The following FOXRED2 variants were observed in gnomAD, a reference collection of about 807,000 sequenced individuals.
FOXRED2 encodes FAD-dependent oxidoreductase domain-containing protein 2.
FOXRED2 carries 32 observed loss-of-function variants against 52.5 expected under a neutral mutation model. That is an observed-to-expected ratio of 0.61 (90% CI 0.46 to 0.82). The LOEUF (loss-of-function observed/expected upper bound fraction) is 0.82, where lower values mean the gene tolerates loss of function less well. Among genes scored for constraint, FOXRED2 ranks in the 40% least tolerant of loss-of-function variants. The probability of loss-of-function intolerance (pLI) is 0.00; values close to 1 mark genes in which losing one functional copy is unlikely to be tolerated. For synonymous variants in FOXRED2, 405 were observed against 398.1 expected (o/e 1.02, Z -0.21); for missense variants, 848 against 937.5 (o/e 0.90, Z 1.25).
chr22:36,489,886 G>A lies in FOXRED2; in HGVS notation c.*122C>T. 9.5e-7 allele frequency: 1 copy of A among 1,056,548 alleles called. No individual in the cohort carries two copies. The highest frequency in any genetic ancestry group is 1.3e-6 in the Non-Finnish European group (1 of 754,408). 65.4% of individuals were successfully genotyped at this position (1,056,548 alleles called of 1,614,324 possible). A position where few individuals can be genotyped will look rare whatever the true frequency, so the allele number is the denominator to read the frequency against. On this transcript the variant is annotated 3_prime_UTR_variant, in exon 9 of 9. Transcript: ENST00000397224. ...GTGGCTTTGCTGCAGACACTGCCAT[G>A]ATCTGAGTGGTCTTTGGCAATCACG...
At chr22:36,498,395 C>A in intron 5 of FOXRED2, 4 of 511,834 alleles carry the variant, frequency 7.8e-6, no homozygotes, top group East Asian at 3.2e-5. Flanking sequence ...CTTTGTGGGT[C>A]ATACACGACT....
rs377080988 is a variant in FOXRED2, at chr22:36,506,254, C to G, written c.169G>C (p.Ala57Pro). 6.2e-7 allele frequency: 1 copy of G among 1,611,464 alleles called. No individual in the cohort carries two copies. Among genetic ancestry groups the G allele is most frequent in the Non-Finnish European group, 8.5e-7 (1 of 1,178,704 alleles). ...GGCCGCGGGGCCCGCTCGAACACTGCGTAGTCGCGTCCAGCGCGCTGCAGG... is the reference window on the plus strand; with the variant it reads ...GGCCGCGGGGCCCGCTCGAACACTGGGTAGTCGCGTCCAGCGCGCTGCAGG... ...YFLQRAGRDYAVFERAPRPGS... is the reference protein window; with the variant it reads ...YFLQRAGRDYPVFERAPRPGS... Residue 57 changes from alanine to proline, a missense_variant, in exon 2 of 9, where the codon GCA becomes CCA. Coordinates refer to ENST00000397224, the MANE Select transcript of FOXRED2 (RefSeq NM_001102371.2).
chr22:36,501,522 G>C, intron 4 of FOXRED2, 115 bp from the exon 5 acceptor site: 1 of 1,005,950 alleles, frequency 9.9e-7, no homozygotes, highest in Admixed American at 2.2e-5. Context: ...GTACAATGGC[G>C]TGATCTCGGC....
chr22:36,505,473 A>G (rs1934165533), intron 2 of FOXRED2, among the ~76,000 whole-genome samples: 1 of 152,220 alleles, frequency 6.6e-6, no homozygotes, highest in Non-Finnish European at 1.5e-5. Context: ...AGTGGTTTCA[A>G]AAATAGAATT....
At position 36,506,147 on chromosome 22, in the gene FOXRED2, C is replaced by G; in HGVS notation, c.276G>C (p.Glu92Asp). The G allele has an allele frequency of 1.9e-6, 3 of 1,614,270 alleles. No individual in the cohort carries two copies. The highest frequency in any genetic ancestry group is 1.7e-6 in the Non-Finnish European group (2 of 1,180,040). ...NKRYTGKANA[E>D]FNLRHDWNSL... is the part of the protein sequence containing the mutation. ...AGTTCCAGTCGTGGCGGAGGTTGAA[C>G]TCGGCGTTAGCCTTGCCCGTGTACC... is the stretch of plus-strand genomic sequence containing the variant. Residue 92 changes from glutamate (E) to aspartate (D), a missense_variant, in exon 2 of 9, where the codon GAG becomes GAC. Transcript: ENST00000397224.
At chr22:36,491,138 G>A (rs1933745831) in intron 8 of FOXRED2, among the ~76,000 whole-genome samples, 2 of 151,782 alleles carry the variant, frequency 1.3e-5, no homozygotes, top group Admixed American at 1.3e-4. Context: ...CTCCAGCCTG[G>A]GTGACAGAGA....
chr22:36,493,768 G>C lies in FOXRED2; in HGVS notation c.1660C>G (p.Leu554Val). ...TGATGGATGGCCGTGGGCCGAGGCA[G>C]GGGCCAGTGTGCAGGGCGGAACCTC... is the stretch of plus-strand genomic sequence containing the variant. ...EVRFRPAHWP[L>V]PRPTAIHHIV... The change falls in exon 8 of 9, where the codon CTG (leucine) becomes GTG (valine). Residue 554 changes from leucine to valine, a missense_variant. Physicochemically the swap from Leu to Val is conservative, Grantham distance 32. Transcript: ENST00000397224. The C allele has an allele frequency of 6.2e-7, 1 of 1,614,258 alleles. No individual in the cohort carries two copies. The highest frequency in any genetic ancestry group is 8.5e-7 in the Non-Finnish European group (1 of 1,180,034).
intron 2 of FOXRED2, 147 bp downstream of exon 2, chr22:36,505,749 C>T (rs1023332168): frequency 5.1e-5 from 45 of 879,514 alleles, no homozygotes; most frequent in Non-Finnish European, 7.3e-5. Flanking sequence ...CCAGCCTGGG[C>T]GACAGAGTGA....
chr22:36,501,523 T>G, intron 4 of FOXRED2, 116 bp from the exon 5 acceptor site: 1 of 986,008 alleles, frequency 1.0e-6, no homozygotes, highest in Non-Finnish European at 1.5e-6. Flanking sequence ...TACAATGGCG[T>G]GATCTCGGCT....
chr22:36,493,438 CAAA>C (rs112901270), intron 8 of FOXRED2, among the ~76,000 whole-genome samples, 192 bp downstream of exon 8: 9 of 130,474 alleles, frequency 6.9e-5, no homozygotes, highest in Non-Finnish European at 8.4e-5. Flanking sequence ...GACTCCATCT[CAAA>C]AAAAAAAAAA....
rs1933713593 is a variant in FOXRED2, at chr22:36,490,123, G to A, written c.1940C>T (p.Thr647Ile). The A allele has an allele frequency of 3.1e-6, 5 of 1,613,918 alleles. No homozygotes were observed. The highest frequency in any genetic ancestry group is 4.2e-6 in the Non-Finnish European group (5 of 1,179,920). Residue 647 changes from threonine to isoleucine, a missense_variant, in exon 9 of 9, where the codon ACA becomes ATA. Thr to Ile is a moderately conservative substitution (Grantham distance 89, BLOSUM62 -1). Transcript: ENST00000397224. ...ESRLLRDYAP[T>I]GRRLEDSSQQ... ...GCTGCTGTCCTCCAGGCGCCTGCCTGTGGGGGCATAGTCCCGCAGGAGCCT... is the reference window on the plus strand; with the variant it reads ...GCTGCTGTCCTCCAGGCGCCTGCCTATGGGGGCATAGTCCCGCAGGAGCCT...
chr22:36,502,812 C>T (rs1934091453), intron 4 of FOXRED2, among the ~76,000 whole-genome samples: 1 of 152,194 alleles, frequency 6.6e-6, no homozygotes, highest in South Asian at 2.1e-4. Context: ...CTTGCCTCAG[C>T]CTCCCGAGTA....
chr22:36,506,726 C>T, intron 1 of FOXRED2: 1 of 341,464 alleles, frequency 2.9e-6, no homozygotes, highest in Non-Finnish European at 5.3e-6. Context: ...CCCCAATTTT[C>T]CCCTAATTTG....
rs377558967 is a variant in FOXRED2, at chr22:36,506,270, G to A, written c.153C>T (p.Arg51=). 2.4e-5 allele frequency: 38 copies of A among 1,606,110 alleles called. No homozygotes were observed. The highest frequency in any genetic ancestry group is 3.1e-5 in the Non-Finnish European group (36 of 1,175,862). Residue 51 remains arginine, a synonymous_variant, in exon 2 of 9, where the codon CGC becomes CGT. Transcript: ENST00000397224. ...CGAACACTGCGTAGTCGCGTCCAGC[G>A]CGCTGCAGGAAGTAGGCCATCTGCA... ...AGLQMAYFLQ[R]AGRDYAVFER...
chr22:36,493,890 C>G (rs957560026), intron 7 of FOXRED2, 87 bp from the exon 8 acceptor site: 11 of 1,140,868 alleles, frequency 9.6e-6, no homozygotes, highest in Middle Eastern at 2.6e-4. Flanking sequence ...CCCACACAGC[C>G]CAAACACTTC....
intron 7 of FOXRED2, 41 bp from the exon 8 acceptor site, chr22:36,493,844 C>G (rs761614121): frequency 5.0e-6 from 8 of 1,587,110 alleles, no homozygotes; most frequent in Non-Finnish European, 6.9e-6. Context: ...AGCTGTGAGG[C>G]TGGGCTTCCC....
intron 5 of FOXRED2, among the ~76,000 whole-genome samples, chr22:36,500,078 GGT>G (rs1223048729): frequency 1.3e-5 from 2 of 152,180 alleles, no homozygotes; most frequent in Non-Finnish European, 2.9e-5. Context: ...TGGGATGACA[GGT>G]GTGACCCACC....
rs766894290 is a variant in FOXRED2 at position 36,505,974 on chromosome 22, G to A, written c.449C>T (p.Thr150Ile). 5 of 1,614,242 alleles carry A rather than the reference G, an allele frequency of 3.1e-6. No homozygotes were observed. The Admixed American group carries it at 6.7e-5, about 22-fold the overall frequency. Reference sequence around the variant, plus strand: ...CCAGGCCTGTCGGTCCTTGTCCAGAGTGACGTGGGCGATGGTGGTGTTGTA... The same window carrying A: ...CCAGGCCTGTCGGTCCTTGTCCAGAATGACGTGGGCGATGGTGGTGTTGTA... ...VQYNTTIAHV[T>I]LDKDRQAWNG... The change falls in exon 2 of 9, where the codon ACT becomes ATT. Residue 150 changes from threonine (T) to isoleucine (I), a missense_variant. Transcript: ENST00000397224.
At chr22:36,496,784 G>C (rs1016502504) in intron 6 of FOXRED2, among the ~76,000 whole-genome samples, 1 of 152,200 alleles carries the variant, frequency 6.6e-6, no homozygotes, top group Non-Finnish European at 1.5e-5. Flanking sequence ...CCTGGTGATC[G>C]GGACCGAGGT....
Sources: allele counts gnomAD v4.1 joint callset (sites outside exome capture counted in the v4.1 genomes callset), GRCh38; gene constraint gnomAD v4.1.1; transcripts MANE v1.5; gene names NCBI Gene and HGNC (gene_info 2026-07-23, HGNC 2026-07-21).